The following RBM33 variants were observed in gnomAD, a reference collection of about 807,000 sequenced individuals.
RBM33 encodes the protein RNA-binding protein 33.
RBM33 carries 28 observed loss-of-function variants against 132.6 expected under a neutral mutation model. That is an observed-to-expected ratio of 0.21 (90% CI 0.16 to 0.29). RBM33 has a LOEUF of 0.29. Ranked by LOEUF, RBM33 falls within the 10% of genes least tolerant of loss-of-function variation. The pLI is 1.00. For synonymous variants in RBM33, 634 were observed against 593.0 expected, an observed-to-expected ratio of 1.07 and a Z score of -1.01; for missense variants, 1,291 against 1,518.5, an observed-to-expected ratio of 0.85 and a Z score of 2.49.
intron 5 of RBM33, among the ~76,000 whole-genome samples, chr7:155,681,133 T>G (rs1395290255): frequency 6.6e-6 from 1 of 152,242 alleles, no homozygotes; most frequent in African/African-American, 2.4e-5. Context: ...CAAAGAATCG[T>G]GACCTTGAGG....
Position 155,711,292 on chromosome 7 carries a change from G to A in RBM33, c.1038G>A (p.Pro346=), listed in dbSNP as rs750016461. Residue 346 remains proline (P), a synonymous_variant, in exon 8 of 18, where the codon CCG becomes CCA. Coordinates refer to ENST00000401878, the MANE Select transcript of RBM33 (RefSeq NM_053043.3). ...FQPQPLQPLL[P]VQHPHHPSPP... is the part of the protein sequence containing the mutation. ...CGCAGCCGCTGCAGCCGCTGCTTCC[G>A]GTGCAGCACCCGCACCACCCATCCC... The A allele has an allele frequency of 2.7e-5, 44 of 1,605,926 alleles. No homozygotes were observed. The highest frequency in any genetic ancestry group is 1.9e-4 in the African/African-American group (14 of 74,348).
rs116308114 is a variant in RBM33 at position 155,662,364 on chromosome 7, T to G, written c.44-2811T>G. On this transcript the variant is annotated intron_variant, in intron 1 of 17. Coordinates refer to ENST00000401878, the MANE Select transcript of RBM33 (RefSeq NM_053043.3). ...CTCCAGCACAGCAGCTCATCTACATTCTGGCCATATTTCCAGCTGCTTTTA... is the reference window on the plus strand; with the variant it reads ...CTCCAGCACAGCAGCTCATCTACATGCTGGCCATATTTCCAGCTGCTTTTA... 9.2e-3 allele frequency among the ~76,000 whole-genome samples: 1,393 copies of G among 152,212 alleles called. 15 individuals carry two copies. Among genetic ancestry groups the G allele is most frequent in the African/African-American group, 0.032 (1,315 of 41,542 alleles).
intron 8 of RBM33, among the ~76,000 whole-genome samples, chr7:155,716,316 G>GTTTTTT (rs59289310): frequency 0.017 from 1,708 of 102,376 alleles, 109 homozygotes; most frequent in African/African-American, 0.061. Context: ...CTTTTCTGCT[G>GTTTTTT]TTTTTTTTTT....
At chr7:155,687,534 G>C (rs533557665) in intron 5 of RBM33, among the ~76,000 whole-genome samples, 122 of 152,272 alleles carry the variant, frequency 8.0e-4, no homozygotes, top group African/African-American at 2.8e-3. Context: ...TGGTGTTTTA[G>C]ACATGAAGTC....
At chr7:155,687,427 G>T (rs1418217434) in intron 5 of RBM33, among the ~76,000 whole-genome samples, 2 of 152,164 alleles carry the variant, frequency 1.3e-5, no homozygotes, top group African/African-American at 2.4e-5. Context: ...TCTGTAGGTT[G>T]CCTGTTCACT....
intron 2 of RBM33, 79 bp downstream of exon 2, chr7:155,665,332 C>T: frequency 2.4e-6 from 3 of 1,264,860 alleles, no homozygotes; most frequent in Non-Finnish European, 2.3e-6. Context: ...GGGATCTTTA[C>T]TGAACGCAGC....
At chr7:155,662,200 T>C (rs896439108) in intron 1 of RBM33, among the ~76,000 whole-genome samples, 3 of 152,176 alleles carry the variant, frequency 2.0e-5, no homozygotes, top group African/African-American at 4.8e-5. Context: ...CCTTCCGTAA[T>C]GCTCTGGGGC....
chr7:155,669,896 G>C (rs1442519632), intron 2 of RBM33, among the ~76,000 whole-genome samples: 2 of 152,126 alleles, frequency 1.3e-5, no homozygotes, highest in East Asian at 3.9e-4. Flanking sequence ...GTCCCAATGG[G>C]CGAATCCATC....
intron 1 of RBM33, among the ~76,000 whole-genome samples, chr7:155,654,419 T>G (rs545269402): frequency 6.6e-6 from 1 of 152,364 alleles, no homozygotes; most frequent in South Asian, 2.1e-4. Flanking sequence ...TAGATTACCT[T>G]TCCTAAACTG....
rs188160663 is a variant in RBM33 at position 155,755,058 on chromosome 7, C to T, written c.2980-8754C>T. 1.4e-3 allele frequency among the ~76,000 whole-genome samples: 216 copies of T among 152,278 alleles called. 4 individuals carry two copies. The highest frequency in any genetic ancestry group is 5.0e-3 in the African/African-American group (206 of 41,548). ...GTCTTCAGAGAAAAAAATGAGAAGCCCTAAATGTATTTATATTTAGAAACT... is the reference window on the plus strand; with the variant it reads ...GTCTTCAGAGAAAAAAATGAGAAGCTCTAAATGTATTTATATTTAGAAACT... On this transcript the variant is annotated intron_variant, in intron 14 of 17. Coordinates refer to ENST00000401878, the MANE Select transcript of RBM33 (RefSeq NM_053043.3).
intron 14 of RBM33, among the ~76,000 whole-genome samples, chr7:155,753,446 A>G (rs1801747475): frequency 6.6e-6 from 1 of 152,172 alleles, no homozygotes; most frequent in South Asian, 2.1e-4. Context: ...TTTAGCCTCT[A>G]AGGTCCCGGA....
intron 14 of RBM33, among the ~76,000 whole-genome samples, chr7:155,758,079 A>G (rs971529254): frequency 6.6e-6 from 1 of 152,104 alleles, no homozygotes; most frequent in African/African-American, 2.4e-5. Flanking sequence ...AAAATACCAA[A>G]ACTCCATCAG....
intron 5 of RBM33, among the ~76,000 whole-genome samples, chr7:155,687,954 T>C (rs1384080321): frequency 1.3e-5 from 2 of 152,240 alleles, no homozygotes; most frequent in African/African-American, 2.4e-5. Context: ...GTCTTGGCAA[T>C]GTGGGACCCT....
rs749002365 is a variant in RBM33 at position 155,775,148 on chromosome 7, G to A, written c.*107G>A. 95 of 977,620 alleles carry A rather than the reference G, an allele frequency of 9.7e-5. No homozygotes were observed. The highest frequency in any genetic ancestry group is 2.2e-4 in the Middle Eastern group (1 of 4,476). 60.6% of individuals were successfully genotyped at this position (977,620 alleles called of 1,614,324 possible). A position where few individuals can be genotyped will look rare whatever the true frequency, so the allele number is the denominator to read the frequency against. On this transcript the variant is annotated 3_prime_UTR_variant, in exon 18 of 18. Coordinates refer to ENST00000401878, the MANE Select transcript of RBM33 (RefSeq NM_053043.3). ...CCAGGAGCACAGGTCTCTCCGGGCC[G>A]CTGTCCTGCGTAACTGTTCTCCAGA...
intron 15 of RBM33, among the ~76,000 whole-genome samples, chr7:155,766,071 A>G (rs1802206014): frequency 6.6e-6 from 1 of 152,232 alleles, no homozygotes; most frequent in East Asian, 1.9e-4. Context: ...ACCAGCCTAT[A>G]CTACACTAGG....
At chr7:155,770,819 A>G (rs1802403323) in intron 16 of RBM33, among the ~76,000 whole-genome samples, 1 of 152,216 alleles carries the variant, frequency 6.6e-6, no homozygotes, top group African/African-American at 2.4e-5. Flanking sequence ...TCATGGGGAA[A>G]AGAGGCGGGT....
intron 1 of RBM33, among the ~76,000 whole-genome samples, chr7:155,660,516 A>C (rs1000514811): frequency 2.6e-5 from 4 of 152,226 alleles, no homozygotes; most frequent in Admixed American, 6.5e-5. Flanking sequence ...GAATGTCTTT[A>C]TGAAAGATCA....
chr7:155,765,650 GCGCTTCAC>G (rs1802190289), intron 15 of RBM33, among the ~76,000 whole-genome samples: 1 of 152,166 alleles, frequency 6.6e-6, no homozygotes, highest in Non-Finnish European at 1.5e-5. Context: ...CCTGCCTTCT[GCGCTTCAC>G]CGCTGTCCTA....
At position 155,760,404 on chromosome 7, in the gene RBM33, A is replaced by G. The variant is rs761098329; in HGVS notation, c.2980-3408A>G. On this transcript the variant is annotated intron_variant, in intron 14 of 17. Coordinates refer to ENST00000401878, the MANE Select transcript of RBM33 (RefSeq NM_053043.3). Reference sequence around the variant, plus strand: ...AAGTTGGAGAATCACAGTCAGTAAGACTGTTGGGTTGCTGAGTTGTGTGGA... The same window carrying G: ...AAGTTGGAGAATCACAGTCAGTAAGGCTGTTGGGTTGCTGAGTTGTGTGGA... Among the ~76,000 whole-genome samples, 12 of 152,200 alleles carry G rather than the reference A, an allele frequency of 7.9e-5. No homozygotes were observed. In the Middle Eastern group the frequency reaches 0.01, roughly 129 times the overall value.
Sources: allele counts gnomAD v4.1 joint callset (sites outside exome capture counted in the v4.1 genomes callset), GRCh38; gene constraint gnomAD v4.1.1; transcripts MANE v1.5; gene names NCBI Gene and HGNC (gene_info 2026-07-23, HGNC 2026-07-21).